The following PCDHA13 variants were observed in gnomAD, a reference collection of about 807,000 sequenced individuals.
The protein encoded by PCDHA13 is protocadherin alpha 13.
In PCDHA13, 54 loss-of-function variants were observed where a neutral mutation model predicts 64.8. That is an observed-to-expected ratio of 0.83 (90% confidence interval 0.67 to 1.04). The LOEUF is 1.04. Ranked by LOEUF, PCDHA13 falls within the 50% of genes least tolerant of loss-of-function variation. PCDHA13 has a pLI of 0.00. For synonymous variants in PCDHA13, 587 were observed against 564.4 expected (o/e 1.04, Z -0.57); for missense variants, 1,248 against 1,254.3 (o/e 0.99, Z 0.08).
chr5:140,922,950 T>G (rs928008081), intron 1 of PCDHA13, among the ~76,000 whole-genome samples: 6 of 152,208 alleles, frequency 3.9e-5, no homozygotes, highest in Non-Finnish European at 5.9e-5. Flanking sequence ...GGAAATCCAG[T>G]TTGTCTTCAG....
At chr5:140,928,350 T>A in intron 1 of PCDHA13, 1 of 1,614,098 alleles carries the variant, frequency 6.2e-7, no homozygotes, top group Non-Finnish European at 8.5e-7. Context: ...AGCTGTTGGA[T>A]GTTATCTCTG....
intron 1 of PCDHA13, 64 bp downstream of exon 1, chr5:140,884,726 T>A: frequency 6.9e-7 from 1 of 1,455,756 alleles, no homozygotes; most frequent in Non-Finnish European, 9.1e-7. Flanking sequence ...GTTGTTTGTT[T>A]AAGACATCTT....
At chr5:140,969,249 ACAG>A in intron 1 of PCDHA13, 1 of 1,614,240 alleles carries the variant, frequency 6.2e-7, no homozygotes, top group Non-Finnish European at 8.5e-7. Flanking sequence ...GCAGTGACTG[ACAG>A]CAGGAATCTC....
At chr5:140,918,759 G>A (rs931610210) in intron 1 of PCDHA13, among the ~76,000 whole-genome samples, 7 of 152,130 alleles carry the variant, frequency 4.6e-5, no homozygotes, top group Non-Finnish European at 1.0e-4. Context: ...CCAGAGAGGT[G>A]CCTTGCCTCT....
At chr5:140,967,699 T>C (rs781874469) in intron 1 of PCDHA13, 9 of 1,614,154 alleles carry the variant, frequency 5.6e-6, no homozygotes, top group Non-Finnish European at 7.6e-6. Context: ...TCAGCATAGA[T>C]GCCAGTACCG....
At chr5:140,903,321 T>A (rs2070191003) in intron 1 of PCDHA13, among the ~76,000 whole-genome samples, 1 of 152,174 alleles carries the variant, frequency 6.6e-6, no homozygotes, top group Non-Finnish European at 1.5e-5. Flanking sequence ...GACAGCATTT[T>A]TATTGAGGAA....
intron 3 of PCDHA13, among the ~76,000 whole-genome samples, chr5:140,995,389 G>T (rs1377788418): frequency 6.6e-6 from 1 of 152,190 alleles, no homozygotes; most frequent in Non-Finnish European, 1.5e-5. Context: ...GCAGGATAAA[G>T]CGGGATGGCT....
At chr5:140,891,022 G>C (rs2062905127) in intron 1 of PCDHA13, among the ~76,000 whole-genome samples, 1 of 151,804 alleles carries the variant, frequency 6.6e-6, no homozygotes, top group South Asian at 2.1e-4. Context: ...TTTTCTGAGG[G>C]TATAATCTTA....
intron 1 of PCDHA13, among the ~76,000 whole-genome samples, chr5:140,965,427 G>A (rs1336088571): frequency 6.6e-6 from 1 of 152,104 alleles, no homozygotes; most frequent in Non-Finnish European, 1.5e-5. Flanking sequence ...AAGATAAGCT[G>A]CAGTCATTGA....
intron 1 of PCDHA13, among the ~76,000 whole-genome samples, chr5:140,961,708 A>C (rs2095630610): frequency 6.6e-6 from 1 of 152,204 alleles, no homozygotes; most frequent in Non-Finnish European, 1.5e-5. Flanking sequence ...GAATGCCTTC[A>C]TTTCTAAGTG....
chr5:140,978,661 T>A (rs1035787381), intron 1 of PCDHA13, among the ~76,000 whole-genome samples: 15 of 152,246 alleles, frequency 9.9e-5, no homozygotes, highest in Admixed American at 9.8e-4. Context: ...CCGTAGTGTT[T>A]TAAGAACACA....
intron 3 of PCDHA13, among the ~76,000 whole-genome samples, chr5:140,986,828 G>A (rs1001117075): frequency 3.9e-5 from 6 of 152,146 alleles, no homozygotes; most frequent in Non-Finnish European, 5.9e-5. Flanking sequence ...TTTAGACAAT[G>A]GTTCTCAAAG....
intron 1 of PCDHA13, 41 bp from the exon 2 acceptor site, chr5:140,978,908 T>C: frequency 6.2e-7 from 1 of 1,613,772 alleles, no homozygotes; most frequent in Non-Finnish European, 8.5e-7. Context: ...GAGAACATTG[T>C]CTTGTCATTT....
intron 1 of PCDHA13, among the ~76,000 whole-genome samples, chr5:140,944,406 C>T (rs1003379783): frequency 2.0e-5 from 3 of 152,084 alleles, no homozygotes; most frequent in Non-Finnish European, 2.9e-5. Flanking sequence ...AGGCTGGTCT[C>T]GAACTCCTGA....
At position 140,884,500 on chromosome 5, in the gene PCDHA13, G is replaced by T. The variant is rs782378726; in HGVS notation, c.2232G>T (p.Ala744=). 34 of 1,614,122 alleles carry T rather than the reference G, an allele frequency of 2.1e-5. No homozygotes were observed. The South Asian group carries it at 2.5e-4, about 12-fold the overall frequency. Residue 744 remains alanine (A), a synonymous_variant, in exon 1 of 4, where the codon GCG becomes GCT. Coordinates refer to ENST00000289272, the MANE Select transcript of PCDHA13 (RefSeq NM_018904.3). ...PGKPTLVCSS[A]AGSWSYSQQR... ...AGCCCACTCTAGTGTGCTCCAGCGC[G>T]GCAGGGAGTTGGTCGTACTCGCAGC...
At chr5:140,953,025 G>A (rs1408416785) in intron 1 of PCDHA13, among the ~76,000 whole-genome samples, 9 of 152,024 alleles carry the variant, frequency 5.9e-5, no homozygotes, top group African/African-American at 1.9e-4. Flanking sequence ...ACATTAAGGG[G>A]GAAATCCACC....
intron 3 of PCDHA13, among the ~76,000 whole-genome samples, chr5:141,004,496 C>T (rs1179748811): frequency 6.6e-6 from 1 of 152,152 alleles, no homozygotes; most frequent in Non-Finnish European, 1.5e-5. Context: ...CTTGGCAGTC[C>T]TGCTGTGAGG....
At chr5:140,917,334 G>GGGGGGGGGGGGGGT in intron 1 of PCDHA13, among the ~76,000 whole-genome samples, 1 of 147,630 alleles carries the variant, frequency 6.8e-6, no homozygotes, top group Non-Finnish European at 1.5e-5. Flanking sequence ...CGGGGGAGGG[G>GGGGGGGGGGGGGGT]GGGGATGGTG....
chr5:140,955,677 G>A (rs989922322), intron 1 of PCDHA13, among the ~76,000 whole-genome samples: 6 of 151,960 alleles, frequency 3.9e-5, no homozygotes, highest in African/African-American at 1.2e-4. Context: ...TAGTTTTTTC[G>A]AAATCTGTGA....
Sources: allele counts gnomAD v4.1 joint callset (sites outside exome capture counted in the v4.1 genomes callset), GRCh38; gene constraint gnomAD v4.1.1; transcripts MANE v1.5; gene names NCBI Gene and HGNC (gene_info 2026-07-23, HGNC 2026-07-21).